Variants in NAIP observed in about 807,000 individuals in gnomAD.
NAIP encodes the protein baculoviral IAP repeat-containing protein 1.
Under a neutral mutation model 23.0 loss-of-function variants are expected in NAIP, and 15 were observed. The observed-to-expected ratio is 0.65, with a 90% CI of 0.44 to 1.00. NAIP has a LOEUF of 1.00. NAIP is among the 50% of genes least tolerant of loss of function. The pLI is 0.00. For missense variants in NAIP, 265 were observed against 278.8 expected (o/e 0.95, Z 0.35); for synonymous variants, 100 against 100.2 (o/e 1.00, Z 0.01).
chr5:71,014,628 C>T (rs1006154930), intron 3 of NAIP, among the ~76,000 whole-genome samples: 5 of 151,564 alleles, frequency 3.3e-5, no homozygotes, highest in South Asian at 2.1e-4. Context: ...ATTAGCTGGG[C>T]GCAGTGGCTC....
chr5:70,970,722 CAT>C (rs1750134231), intron 16 of NAIP, among the ~76,000 whole-genome samples: 1 of 2,590 alleles, frequency 3.9e-4, no homozygotes, highest in Non-Finnish European at 7.8e-4. Context: ...AGTGCAGTGG[CAT>C]GATCTCAGCT....
chr5:70,978,812 A>G (rs1750429938), intron 13 of NAIP, among the ~76,000 whole-genome samples: 1 of 47,108 alleles, frequency 2.1e-5, no homozygotes, highest in Non-Finnish European at 3.4e-5. Context: ...TTTTTTTCTG[A>G]GATGGAGTTT....
chr5:71,015,256 G>C (rs1751383523), intron 3 of NAIP, among the ~76,000 whole-genome samples: 1 of 151,276 alleles, frequency 6.6e-6, no homozygotes. Context: ...GCACATGCCT[G>C]TAGTCCCAGC....
chr5:71,008,162 C>T (rs1272807246), intron 5 of NAIP, among the ~76,000 whole-genome samples: 7 of 148,122 alleles, frequency 4.7e-5, no homozygotes, highest in East Asian at 2.0e-4. Context: ...CTCTGCCTCC[C>T]GGGCTCAAGC....
Position 71,011,735 on chromosome 5 carries a change from C to T in NAIP, c.569-361G>A, listed in dbSNP as rs555085123. The T allele has an allele frequency of 1.3e-3, 580 of 441,640 alleles. 6 individuals are homozygous for T. Among genetic ancestry groups the T allele is most frequent in the South Asian group, 1.9e-3 (100 of 51,464 alleles). The allele number at this position is 441,640 out of a possible 1,614,324, so 27.4% of individuals were successfully genotyped here. A position where few individuals can be genotyped will look rare whatever the true frequency, so the allele number is the denominator to read the frequency against. On this transcript the variant is annotated intron_variant, in intron 4 of 16. Coordinates refer to ENST00000517649, the MANE Select transcript of NAIP (RefSeq NM_004536.3). ...ACGTTTTAGCCTTGCCATGACATTT[C>T]GGTAGAAACATAGGCATGTTTCTTA...
At chr5:71,013,457 T>G (rs1439677368) in intron 3 of NAIP, among the ~76,000 whole-genome samples, 2 of 150,194 alleles carry the variant, frequency 1.3e-5, no homozygotes, top group Admixed American at 1.3e-4. Flanking sequence ...GCTAACAAGG[T>G]GAAACCCCAT....
At position 70,976,921 on chromosome 5, in the gene NAIP, GA is replaced by G; in HGVS notation, c.3579del (p.Gln1194LysfsTer15). 1 of 349,054 alleles carries G rather than the reference GA, an allele frequency of 2.9e-6. No homozygotes were observed. Among genetic ancestry groups the G allele is most frequent in the Non-Finnish European group, 4.7e-6 (1 of 212,918 alleles). The allele number at this position is 349,054 out of a possible 1,614,324, so 21.6% of individuals were successfully genotyped here. A position where few individuals can be genotyped will look rare whatever the true frequency, so the allele number is the denominator to read the frequency against. ...LTEIKFSDSF[F>X]QAVPFVASLP... ...TAACTCTTACCAAATGGGACGGCTTGAAAAAATGAATCCGAAAACTTAATTT... is the reference window on the plus strand; with the variant it reads ...TAACTCTTACCAAATGGGACGGCTTGAAAAATGAATCCGAAAACTTAATTT... On this transcript the variant is annotated frameshift_variant, in exon 14 of 17. Coordinates refer to ENST00000517649, the MANE Select transcript of NAIP (RefSeq NM_004536.3). LOFTEE classifies it high-confidence loss of function.
chr5:71,013,557 G>A (rs931315090), intron 3 of NAIP, among the ~76,000 whole-genome samples: 2 of 149,914 alleles, frequency 1.3e-5, no homozygotes, highest in African/African-American at 2.4e-5. Flanking sequence ...GGAGAATGGC[G>A]TGAACCCAGG....
At chr5:71,013,365 G>A (rs1751261303) in intron 3 of NAIP, among the ~76,000 whole-genome samples, 2 of 151,024 alleles carry the variant, frequency 1.3e-5, no homozygotes, top group East Asian at 1.9e-4. Flanking sequence ...CTGGCCGGGC[G>A]CGGTGGCTCA....
chr5:70,978,012 CAT>C (rs1213060558), intron 13 of NAIP, among the ~76,000 whole-genome samples: 2 of 115,552 alleles, frequency 1.7e-5, no homozygotes, highest in South Asian at 3.4e-4. Context: ...AAAAAAGAAA[CAT>C]AAAAGGAATG....
chr5:71,013,466 A>T (rs1308515585), intron 3 of NAIP, among the ~76,000 whole-genome samples: 1 of 150,362 alleles, frequency 6.7e-6, no homozygotes, highest in East Asian at 2.0e-4. Flanking sequence ...GTGAAACCCC[A>T]TCTCTACTAA....
At chr5:71,013,582 G>A (rs1261746876) in intron 3 of NAIP, among the ~76,000 whole-genome samples, 5 of 147,292 alleles carry the variant, frequency 3.4e-5, no homozygotes, top group African/African-American at 1.3e-4. Context: ...GGAGCTTGCA[G>A]CGAGCCGAGA....
intron 4 of NAIP, 29 bp from the exon 5 acceptor site, chr5:71,011,403 C>G (rs1751151226): frequency 6.5e-7 from 1 of 1,527,320 alleles, no homozygotes; most frequent in Non-Finnish European, 9.0e-7. Context: ...ATTTAGATTG[C>G]CTGGCAGTGG....
intron 4 of NAIP, 144 bp from the exon 5 acceptor site, chr5:71,011,518 A>T (rs1264541076): frequency 1.0e-5 from 7 of 702,158 alleles, no homozygotes; most frequent in African/African-American, 1.8e-5. Context: ...TCCATCCTCA[A>T]TCCCACCACC....
chr5:71,008,063 C>T (rs1580927033), intron 5 of NAIP, among the ~76,000 whole-genome samples: 7 of 67,272 alleles, frequency 1.0e-4, no homozygotes, highest in South Asian at 5.0e-4. Flanking sequence ...TGTGCCCAGC[C>T]TTTTTTTTTT....
intron 5 of NAIP, among the ~76,000 whole-genome samples, 176 bp downstream of exon 5, chr5:71,011,099 G>A (rs1279083260): frequency 1.3e-5 from 2 of 150,938 alleles, no homozygotes; most frequent in Admixed American, 1.3e-4. Flanking sequence ...CCATCTTGGT[G>A]GTGCACACCT....
At chr5:71,016,197 G>C (rs1195216410) in intron 3 of NAIP, among the ~76,000 whole-genome samples, 1 of 150,060 alleles carries the variant, frequency 6.7e-6, no homozygotes, top group Non-Finnish European at 1.5e-5. Context: ...GGGAGGCTGA[G>C]GTGGAAGGAT....
Position 71,012,779 on chromosome 5 carries a change from C to T in NAIP, c.137G>A (p.Arg46Gln), listed in dbSNP as rs141634501. ...KELEEEEQKE[R>Q]AKMQKGYNSQ... ...GTTGTAGCCTTTCTGCATTTTTGCT[C>T]GCTCCTTCTGCTCCTCTTCTTCTAG... The change falls in exon 4 of 17, where the codon CGA (arginine) becomes CAA (glutamine). Residue 46 changes from arginine to glutamine, a missense_variant. This residue lies in a region of NAIP where 261 missense variants were observed against 259.2 expected (regional missense o/e 1.01). Coordinates refer to ENST00000517649, the MANE Select transcript of NAIP (RefSeq NM_004536.3). 5.6e-6 allele frequency: 9 copies of T among 1,611,940 alleles called. 1 individual carries two copies. The highest frequency in any genetic ancestry group is 7.6e-6 in the Non-Finnish European group (9 of 1,178,528).
chr5:71,009,512 G>A (rs1751046871), intron 5 of NAIP, among the ~76,000 whole-genome samples: 1 of 151,160 alleles, frequency 6.6e-6, no homozygotes. Context: ...GCAACATGAT[G>A]AAACCGCATC....
Sources: gnomAD v4.1 joint callset for allele counts (sites outside exome capture counted in the v4.1 genomes callset) on GRCh38, gnomAD v4.1.1 for gene constraint, gnomAD v4.1.1 regional missense constraint, MANE v1.5 for transcripts, NCBI Gene and HGNC (gene_info 2026-07-23, HGNC 2026-07-21) for gene names.